The following LRRC56 variants were observed in gnomAD, a reference collection of about 807,000 sequenced individuals.
LRRC56 encodes leucine-rich repeat-containing protein 56.
Under a neutral mutation model 47.8 loss-of-function variants are expected in LRRC56, and 41 were observed. The ratio of observed to expected loss-of-function variants is 0.86; its 90% confidence interval spans 0.67 to 1.11. The LOEUF (loss-of-function observed/expected upper bound fraction) is 1.11. LRRC56 is among the 50% of genes most tolerant of loss of function. The pLI is 0.00. For missense variants in LRRC56, 759 were observed against 704.2 expected (o/e 1.08, Z -0.88); for synonymous variants, 387 against 311.2 (o/e 1.24, Z -2.56).
chr11:516,285 C>T, the LRRC56 span, among the ~76,000 whole-genome samples: 7 of 152,018 alleles, frequency 4.6e-5, no homozygotes, highest in African/African-American at 9.7e-5. Flanking sequence ...CCCAGCTACT[C>T]GGGAGGCTGA....
At chr11:510,688 A>G in the LRRC56 span, among the ~76,000 whole-genome samples, 2 of 152,094 alleles carry the variant, frequency 1.3e-5, no homozygotes, top group Non-Finnish European at 2.9e-5. Flanking sequence ...TGGTGAGCCG[A>G]GATCACGCCA....
chr11:532,447 G>C, the LRRC56 span: 7 of 804,884 alleles, frequency 8.7e-6, no homozygotes, highest in South Asian at 6.9e-5. Flanking sequence ...TTCCTTCCTT[G>C]CTTCCGTCCT....
At chr11:546,902 A>G (rs1852110467) in intron 6 of LRRC56, among the ~76,000 whole-genome samples, 1 of 152,016 alleles carries the variant, frequency 6.6e-6, no homozygotes, top group Admixed American at 6.6e-5. Flanking sequence ...AATACAAAAA[A>G]AAAAAGAAAT....
intron 6 of LRRC56, among the ~76,000 whole-genome samples, chr11:547,394 C>T (rs1254788005): frequency 6.6e-6 from 1 of 150,950 alleles, no homozygotes; most frequent in African/African-American, 2.4e-5. Context: ...CACTCCGTTG[C>T]CCAGGCTGGA....
chr11:528,328 C>G, the LRRC56 span, among the ~76,000 whole-genome samples: 6 of 152,344 alleles, frequency 3.9e-5, no homozygotes, highest in African/African-American at 1.2e-4. Flanking sequence ...CAGAAGCTGA[C>G]GTCACACAGG....
chr11:511,022 G>T, the LRRC56 span, among the ~76,000 whole-genome samples: 1 of 152,122 alleles, frequency 6.6e-6, no homozygotes, highest in South Asian at 2.1e-4. Context: ...CACGCAGCAC[G>T]TGAAATGGGA....
At chr11:545,665 TC>T (rs1852037014) in intron 6 of LRRC56, among the ~76,000 whole-genome samples, 1 of 152,076 alleles carries the variant, frequency 6.6e-6, no homozygotes, top group South Asian at 2.1e-4. Flanking sequence ...CTCACAACAT[TC>T]GGAGCTGAAG....
At chr11:538,305 C>G (rs1001841309) in intron 1 of LRRC56, among the ~76,000 whole-genome samples, 1 of 152,162 alleles carries the variant, frequency 6.6e-6, no homozygotes, top group African/African-American at 2.4e-5. Flanking sequence ...CCCGTGACCC[C>G]GCCAGCTCAC....
At chr11:509,512 A>G in the LRRC56 span, among the ~76,000 whole-genome samples, 1 of 152,060 alleles carries the variant, frequency 6.6e-6, no homozygotes, top group Non-Finnish European at 1.5e-5. Context: ...TCCCTCCTGG[A>G]CAGTGCGGCC....
At chr11:527,690 C>A in the LRRC56 span, among the ~76,000 whole-genome samples, 7 of 148,648 alleles carry the variant, frequency 4.7e-5, no homozygotes, top group African/African-American at 1.8e-4. Context: ...CGCCACCACG[C>A]CCGGCTAATT....
upstream of LRRC56, chr11:533,876 G>A (rs1589792785): frequency 6.2e-7 from 1 of 1,613,202 alleles, no homozygotes; most frequent in African/African-American, 1.3e-5. Flanking sequence ...ACTCCTCCTG[G>A]CCGGCGGTAT....
At chr11:550,997 T>C (rs1317468279) in intron 8 of LRRC56, 134 bp from the exon 9 acceptor site, 3 of 544,478 alleles carry the variant, frequency 5.5e-6, no homozygotes, top group East Asian at 6.5e-5. Flanking sequence ...CCCTGCAGGG[T>C]AGGCAGCATC....
In LRRC56 at chr11:554,493, G is replaced by A; in HGVS notation, c.*217G>A. On this transcript the variant is annotated 3_prime_UTR_variant, in exon 14 of 14. Coordinates refer to ENST00000270115, the MANE Select transcript of LRRC56 (RefSeq NM_198075.4). ...TTAGGCCCCCAACTGGGTTTGGCCT[G>A]GGGAGGGAGGGTCCGGCTCCCCAGC... 1 of 445,368 alleles carries A rather than the reference G, an allele frequency of 2.2e-6. No homozygotes were observed. The highest frequency in any genetic ancestry group is 3.9e-6 in the Non-Finnish European group (1 of 256,346). 27.6% of individuals were successfully genotyped at this position (445,368 alleles called of 1,614,324 possible). A position where few individuals can be genotyped will look rare whatever the true frequency, so the allele number is the denominator to read the frequency against.
chr11:543,019 G>A (rs1418967381), intron 5 of LRRC56, among the ~76,000 whole-genome samples: 3 of 150,998 alleles, frequency 2.0e-5, no homozygotes, highest in Non-Finnish European at 4.4e-5. Flanking sequence ...AGCCTCCCGA[G>A]TAGCTGAGAT....
chr11:530,981 G>C, the LRRC56 span, among the ~76,000 whole-genome samples: 2 of 55,774 alleles, frequency 3.6e-5, no homozygotes, highest in Non-Finnish European at 6.7e-5. Context: ...AGAAGGGCCA[G>C]TGTGGCGTCC....
rs1191121126 is a variant in LRRC56, at chr11:554,802, T to G, written c.*526T>G. 12 of 539,120 alleles carry G rather than the reference T, an allele frequency of 2.2e-5. No individual in the cohort carries two copies. Among genetic ancestry groups the G allele is most frequent in the Non-Finnish European group, 3.5e-5 (11 of 313,756 alleles). The allele number at this position is 539,120 out of a possible 1,614,324, so 33.4% of individuals were successfully genotyped here. Reference sequence around the variant, plus strand: ...CACTGCGATAGGGCGGCCCGTTCCCTCCTCTTGGCGCAGGACGCCCCGGAA... The same window carrying G: ...CACTGCGATAGGGCGGCCCGTTCCCGCCTCTTGGCGCAGGACGCCCCGGAA... On this transcript the variant is annotated 3_prime_UTR_variant, in exon 14 of 14. Coordinates refer to ENST00000270115, the MANE Select transcript of LRRC56 (RefSeq NM_198075.4).
the LRRC56 span, among the ~76,000 whole-genome samples, chr11:531,992 A>G: frequency 1.3e-5 from 2 of 152,188 alleles, no homozygotes; most frequent in Non-Finnish European, 2.9e-5. Flanking sequence ...ACGCCCTCCT[A>G]GTTGGTAGAA....
the LRRC56 span, chr11:532,280 C>T: frequency 2.2e-6 from 1 of 459,304 alleles, no homozygotes; most frequent in Non-Finnish European, 4.0e-6. Flanking sequence ...CCCATCTGTG[C>T]CCGACAAGGG....
At chr11:515,120 GA>G in the LRRC56 span, among the ~76,000 whole-genome samples, 2 of 152,126 alleles carry the variant, frequency 1.3e-5, no homozygotes, top group African/African-American at 4.8e-5. Flanking sequence ...GTCCCAAGAA[GA>G]CCCACAAGGC....
Sources: gnomAD v4.1 joint callset for allele counts (sites outside exome capture counted in the v4.1 genomes callset) on GRCh38, gnomAD v4.1.1 for gene constraint, MANE v1.5 for transcripts, NCBI Gene and HGNC (gene_info 2026-07-23, HGNC 2026-07-21) for gene names.